TMEM114: variants seen among roughly 807,000 people sequenced by gnomAD.
The protein encoded by TMEM114 is claudin-26.
Under a neutral mutation model 6.2 loss-of-function variants are expected in TMEM114, and 6 were observed. That is an observed-to-expected ratio of 0.97 (90% CI 0.53 to 1.91). The LOEUF (loss-of-function observed/expected upper bound fraction) is 1.91, where lower values mean the gene tolerates loss of function less well. Ranked by LOEUF, TMEM114 falls within the 40% of genes most tolerant of loss-of-function variation. The pLI, the probability that TMEM114 is intolerant of heterozygous loss-of-function variation, is 0.01. For missense variants in TMEM114, 218 were observed against 158.3 expected, an observed-to-expected ratio of 1.38 and a Z score of -2.02; for synonymous variants, 104 against 73.0, an observed-to-expected ratio of 1.42 and a Z score of -2.16.
chr16:8,572,113 A>T lies in TMEM114; in HGVS notation c.413T>A (p.Leu138His). ...TCCAAAGAGGAAGAGAATTCCAGTG[A>T]GCAGGAGGAGGAGGTAGGCTTGGAG... ...FLLQAYLLLL[L>H]TGILFLFGAM... Residue 138 changes from leucine to histidine, a missense_variant, in exon 3 of 4, where the codon CTC becomes CAC. Leu to His is a moderately conservative substitution (Grantham distance 99). Transcript: ENST00000620492. 3.2e-6 allele frequency: 5 copies of T among 1,551,086 alleles called. No individual in the cohort carries two copies. The highest frequency in any genetic ancestry group is 4.4e-6 in the Non-Finnish European group (5 of 1,146,702).
At chr16:8,556,626 T>A (rs568825626) in intron 2 of TMEM114, among the ~76,000 whole-genome samples, 36 of 152,058 alleles carry the variant, frequency 2.4e-4, no homozygotes, top group African/African-American at 8.4e-4. Flanking sequence ...CCCAGCCTCC[T>A]GAATAGCTGG....
chr16:8,558,239 G>T (rs538786232), intron 2 of TMEM114, among the ~76,000 whole-genome samples: 1 of 152,070 alleles, frequency 6.6e-6, no homozygotes, highest in Non-Finnish European at 1.5e-5. Flanking sequence ...CAGAATGAGA[G>T]TCTGTCTCAA....
intron 2 of TMEM114, among the ~76,000 whole-genome samples, chr16:8,561,472 A>G (rs906859411): frequency 6.6e-6 from 1 of 152,182 alleles, no homozygotes; most frequent in African/African-American, 2.4e-5. Flanking sequence ...ACATGCACAG[A>G]CCCCAGAATG....
chr16:8,540,621 A>G (rs879802146), intron 2 of TMEM114, among the ~76,000 whole-genome samples: 15 of 145,542 alleles, frequency 1.0e-4, no homozygotes, highest in Non-Finnish European at 2.1e-4. Flanking sequence ...GTAGAATTCA[A>G]TTCATTCACT....
At chr16:8,556,842 C>T (rs904235450) in intron 2 of TMEM114, among the ~76,000 whole-genome samples, 7 of 152,148 alleles carry the variant, frequency 4.6e-5, no homozygotes, top group Non-Finnish European at 7.4e-5. Context: ...AATTTTATGT[C>T]ATGTGTATTT....
At chr16:8,586,290 G>A (rs1902318210) in intron 2 of TMEM114, among the ~76,000 whole-genome samples, 1 of 152,142 alleles carries the variant, frequency 6.6e-6, no homozygotes, top group Admixed American at 6.6e-5. Flanking sequence ...ACTGGTCCTA[G>A]GCAAGGTCCG....
intron 2 of TMEM114, among the ~76,000 whole-genome samples, chr16:8,578,259 G>C (rs1045331701): frequency 2.0e-5 from 3 of 152,066 alleles, no homozygotes; most frequent in African/African-American, 7.2e-5. Flanking sequence ...AGTTCTGGAG[G>C]CCAGAAGTAC....
intron 2 of TMEM114, among the ~76,000 whole-genome samples, chr16:8,543,306 G>T (rs1900569489): frequency 6.6e-6 from 1 of 151,990 alleles, no homozygotes; most frequent in Non-Finnish European, 1.5e-5. Flanking sequence ...GTTCCCCCTT[G>T]CCCTGCCCTG....
intron 2 of TMEM114, among the ~76,000 whole-genome samples, chr16:8,579,683 G>A (rs1008414461): frequency 2.0e-5 from 3 of 152,156 alleles, no homozygotes; most frequent in African/African-American, 7.2e-5. Flanking sequence ...TGTGGGCACT[G>A]AATATGAGAA....
chr16:8,576,783 T>C (rs1347640068), intron 2 of TMEM114, among the ~76,000 whole-genome samples: 2 of 151,442 alleles, frequency 1.3e-5, no homozygotes, highest in Non-Finnish European at 2.9e-5. Flanking sequence ...GAGCATTTAC[T>C]GAGCATCTAA....
chr16:8,554,942 G>A (rs976128141), intron 2 of TMEM114, among the ~76,000 whole-genome samples: 27 of 152,202 alleles, frequency 1.8e-4, no homozygotes, highest in African/African-American at 5.8e-4. Flanking sequence ...GAGCCCCTAT[G>A]CTCTGCAGAC....
downstream of TMEM114, among the ~76,000 whole-genome samples, chr16:8,535,324 C>T (rs1900324076): frequency 1.3e-5 from 2 of 151,934 alleles, no homozygotes; most frequent in African/African-American, 2.4e-5. Flanking sequence ...TTCCTCTAGC[C>T]CTGAGATAGC....
intron 2 of TMEM114, chr16:8,572,439 G>GTTTGT: frequency 1.7e-6 from 1 of 597,510 alleles, no homozygotes; most frequent in Non-Finnish European, 2.9e-6. Flanking sequence ...TGTTCTTGTT[G>GTTTGT]TTTGTTTTGT....
chr16:8,582,512 G>C (rs1452447909), intron 2 of TMEM114, among the ~76,000 whole-genome samples: 1 of 152,186 alleles, frequency 6.6e-6, no homozygotes. Flanking sequence ...AGCTCCTCTG[G>C]TCTACCATGA....
chr16:8,547,564 T>C (rs575499044), intron 2 of TMEM114, among the ~76,000 whole-genome samples: 1 of 152,176 alleles, frequency 6.6e-6, no homozygotes, highest in East Asian at 1.9e-4. Context: ...GGCCAATTTT[T>C]GTATTTTTAG....
downstream of TMEM114, among the ~76,000 whole-genome samples, chr16:8,533,303 G>C (rs11077315): frequency 0.73 from 110,904 of 152,134 alleles, 40,677 homozygotes; most frequent in Middle Eastern, 0.78. Context: ...TGGATGACAT[G>C]AAGAAGCCAG....
rs371439065 is a variant in TMEM114, at chr16:8,547,742, A to G, written n.213-9916T>C. On this transcript the variant is annotated intron_variant and non_coding_transcript_variant, in intron 2 of 2. Coordinates refer to the TMEM114 transcript ENST00000623677. ...GGTTGGCAAGGTTGTCTTCTCAGGC[A>G]GGAGGAGGTCCTTGCGTGGCCTCTG... Among the ~76,000 whole-genome samples, 6 of 152,256 alleles carry G rather than the reference A, an allele frequency of 3.9e-5. No homozygotes were observed. In the East Asian group the frequency reaches 9.7e-4, roughly 25 times the overall value.
At chr16:8,551,949 G>T (rs902880283) in intron 2 of TMEM114, among the ~76,000 whole-genome samples, 11 of 152,162 alleles carry the variant, frequency 7.2e-5, no homozygotes, top group African/African-American at 2.4e-4. Context: ...AGATCTCAAA[G>T]GTATTATGCT....
At chr16:8,563,547 A>G (rs1031728876) in intron 2 of TMEM114, among the ~76,000 whole-genome samples, 5 of 136,128 alleles carry the variant, frequency 3.7e-5, no homozygotes, top group Middle Eastern at 6.0e-3. Flanking sequence ...ATGAGTGAGT[A>G]AGTGAATGAG....
Sources: allele counts gnomAD v4.1 joint callset (sites outside exome capture counted in the v4.1 genomes callset), GRCh38; gene constraint gnomAD v4.1.1; transcripts MANE v1.5; gene names NCBI Gene and HGNC (gene_info 2026-07-23, HGNC 2026-07-21).